The following PRC1 variants were observed in gnomAD, a reference collection of about 807,000 sequenced individuals.
PRC1 encodes the protein protein regulator of cytokinesis 1.
A neutral mutation model predicts 91.2 loss-of-function variants in PRC1; 54 were observed. The observed-to-expected ratio is 0.59, with a 90% CI of 0.48 to 0.74. PRC1 has a LOEUF of 0.74. Among genes scored for constraint, PRC1 ranks in the 30% least tolerant of loss-of-function variants. The pLI, the probability that PRC1 is intolerant of heterozygous loss-of-function variation, is 0.00. For synonymous variants in PRC1, 275 were observed against 263.6 expected (o/e 1.04, Z -0.42); for missense variants, 727 against 746.2 (o/e 0.97, Z 0.30).
At position 90,966,189 on chromosome 15, in the gene PRC1, G is replaced by A; in HGVS notation, c.*942C>T. The A allele has an allele frequency of 5.3e-6, 1 of 189,244 alleles. No homozygotes were observed. 11.7% of individuals were successfully genotyped at this position (189,244 alleles called of 1,614,324 possible). A position where few individuals can be genotyped will look rare whatever the true frequency, so the allele number is the denominator to read the frequency against. ...GAGAACCATTTACACTATGTTGACA[G>A]TAGTACTGCTGCAGGCAGACAGCGG... On this transcript the variant is annotated 3_prime_UTR_variant, in exon 15 of 15. Transcript: ENST00000394249.
intron 1 of PRC1, chr15:90,987,859 A>G (rs1399030553): frequency 6.6e-6 from 1 of 152,182 alleles, no homozygotes. Context: ...GTCTCTCCAA[A>G]GCTGTTAATA....
rs1361857597 is a variant in PRC1, at chr15:90,984,896, GAACTAAA to G, written c.12-78_12-72del. ...TCTGGACTAAAAGCACTATTTTCGA[GAACTAAA>G]AAGACTAGCTTCTCAGTGGCCTCGA... On this transcript the variant is annotated intron_variant, in intron 1 of 14. Coordinates refer to ENST00000394249, the MANE Select transcript of PRC1 (RefSeq NM_003981.4). The surrounding 1 kb of genome is among the most constrained non-coding windows in gnomAD (Gnocchi z 5.1). 6.5e-7 allele frequency: 1 copy of G among 1,549,316 alleles called. No homozygotes were observed. The highest frequency in any genetic ancestry group is 2.3e-5 in the East Asian group (1 of 43,178).
Position 90,966,988 on chromosome 15 carries a change from A to T in PRC1, c.*143T>A, listed in dbSNP as rs901065124. ...GGGCTTTCAACTGTAACACTCATTC[A>T]CATCTTTAAGTTAGGCCCATGGTCA... On this transcript the variant is annotated 3_prime_UTR_variant, in exon 15 of 15. Coordinates refer to ENST00000394249, the MANE Select transcript of PRC1 (RefSeq NM_003981.4). 1 of 704,080 alleles carries T rather than the reference A, an allele frequency of 1.4e-6. No homozygotes were observed. Among genetic ancestry groups the T allele is most frequent in the African/African-American group, 1.8e-5 (1 of 56,184 alleles). 43.6% of individuals were successfully genotyped at this position (704,080 alleles called of 1,614,324 possible). A position where few individuals can be genotyped will look rare whatever the true frequency, so the allele number is the denominator to read the frequency against.
chr15:90,983,838 C>G (rs1226686476), intron 3 of PRC1, 180 bp downstream of exon 3: 2 of 733,990 alleles, frequency 2.7e-6, no homozygotes, highest in East Asian at 5.6e-5. Flanking sequence ...CAGGGCAACT[C>G]TCTACAGAGG....
At chr15:90,968,858 CTT>C in intron 14 of PRC1, 1 of 1,359,644 alleles carries the variant, frequency 7.4e-7, no homozygotes, top group Non-Finnish European at 9.5e-7. Flanking sequence ...CTGTGCCTGA[CTT>C]TAGGGGCTGA....
chr15:90,994,360 G>C, intron 1 of PRC1, 47 bp downstream of exon 1: 2 of 1,611,662 alleles, frequency 1.2e-6, no homozygotes. Flanking sequence ...CAGCCGAAAC[G>C]AGCGTCGCTC....
intron 8 of PRC1, chr15:90,977,173 TTTTC>T (rs1408446440): frequency 6.6e-6 from 1 of 152,468 alleles, no homozygotes; most frequent in South Asian, 2.1e-4. Flanking sequence ...TCTTTTTAAC[TTTTC>T]TTTTTGTTAA....
At chr15:90,991,430 A>G (rs2039975573) in intron 1 of PRC1, among the ~76,000 whole-genome samples, 1 of 151,958 alleles carries the variant, frequency 6.6e-6, no homozygotes, top group Non-Finnish European at 1.5e-5. Flanking sequence ...CTCCAAAAAA[A>G]AAAAGAAATA....
intron 11 of PRC1, among the ~76,000 whole-genome samples, chr15:90,972,435 CTT>C (rs938991037): frequency 3.3e-5 from 5 of 150,138 alleles, no homozygotes; most frequent in Middle Eastern, 3.7e-3. Context: ...AAATAATACT[CTT>C]TTATTTATCA....
intron 5 of PRC1, 97 bp from the exon 6 acceptor site, chr15:90,981,130 G>A: frequency 6.6e-7 from 1 of 1,508,932 alleles, no homozygotes; most frequent in Non-Finnish European, 9.0e-7. Context: ...TAGAGGAGGA[G>A]GCACTTTCAT....
At chr15:90,989,546 C>G (rs893033608) in intron 1 of PRC1, among the ~76,000 whole-genome samples, 4 of 151,426 alleles carry the variant, frequency 2.6e-5, no homozygotes, top group Admixed American at 6.6e-5. Flanking sequence ...GCACCCGGCC[C>G]CTCAGTTTAA....
In PRC1 at chr15:90,970,396, A is replaced by G. The variant is rs758080019; in HGVS notation, c.1572+8T>C. The G allele has an allele frequency of 4.4e-6, 7 of 1,577,486 alleles. No individual in the cohort carries two copies. In the East Asian group the frequency reaches 1.3e-4, roughly 30 times the overall value. ...GTGAGGATGTGCTTAGACACAGGGCATACTAACCTTGCTGCCAGAAGGAGG... is the reference window on the plus strand; with the variant it reads ...GTGAGGATGTGCTTAGACACAGGGCGTACTAACCTTGCTGCCAGAAGGAGG... On this transcript the variant is annotated splice_region_variant and intron_variant, in intron 12 of 14. Transcript: ENST00000394249.
intron 11 of PRC1, among the ~76,000 whole-genome samples, chr15:90,971,825 T>G (rs2038158510): frequency 6.6e-6 from 1 of 151,462 alleles, no homozygotes; most frequent in South Asian, 2.1e-4. Context: ...GTCAAGAGAT[T>G]GAGACCATCC....
Position 90,967,116 on chromosome 15 carries a change from A to G in PRC1, c.*15T>C. On this transcript the variant is annotated 3_prime_UTR_variant, in exon 15 of 15. Transcript: ENST00000394249. ...AGGCACAGGAAGCCACAGCTGGTTG[A>G]CTGATCAGGGCTTCTCAGGACTGGA... 1 of 1,609,668 alleles carries G rather than the reference A, an allele frequency of 6.2e-7. No homozygotes were observed. The highest frequency in any genetic ancestry group is 8.5e-7 in the Non-Finnish European group (1 of 1,175,922).
chr15:90,967,418 CCT>C (rs1347739381), intron 14 of PRC1: 6 of 567,370 alleles, frequency 1.1e-5, no homozygotes, highest in Non-Finnish European at 1.6e-5. Flanking sequence ...GCCCGTGACC[CCT>C]TTTTCCTCAG....
In PRC1 at chr15:90,984,731, G is replaced by A. The variant is rs1204997271; in HGVS notation, c.106C>T (p.Arg36Trp). Residue 36 changes from arginine (R) to tryptophan (W), a missense_variant, in exon 2 of 15, where the codon CGG becomes TGG. Arg to Trp is a moderately radical substitution (Grantham distance 101). Transcript: ENST00000394249. This position sits in a 1 kb window ranked among gnomAD's most constrained non-coding sequence, Gnocchi z 5.1. ...WELIGIPEDQRLQRTEVVKKH... is the reference protein window; with the variant it reads ...WELIGIPEDQWLQRTEVVKKH... ...TTTACCACCTCAGTTCTTTGTAACC[G>A]CTGGTCCTCTGGAATCCCAATTAGC... The A allele has an allele frequency of 2.5e-6, 4 of 1,613,962 alleles. No individual in the cohort carries two copies. Among genetic ancestry groups the A allele is most frequent in the Admixed American group, 1.7e-5 (1 of 59,990 alleles).
chr15:90,992,364 G>A (rs2040027158), intron 1 of PRC1, among the ~76,000 whole-genome samples: 1 of 152,034 alleles, frequency 6.6e-6, no homozygotes, highest in Non-Finnish European at 1.5e-5. Context: ...ACTTGCAATG[G>A]TTCCTTGTAT....
chr15:90,992,028 A>G (rs550364468), intron 1 of PRC1, among the ~76,000 whole-genome samples: 1 of 152,290 alleles, frequency 6.6e-6, no homozygotes, highest in African/African-American at 2.4e-5. Flanking sequence ...TTTCTGGAAC[A>G]TACCAGGCGC....
chr15:90,974,854 T>C lies in PRC1; in HGVS notation c.1204-123A>G, dbSNP rs2038533159. 1 of 1,092,122 alleles carries C rather than the reference T, an allele frequency of 9.2e-7. No individual in the cohort carries two copies. The highest frequency in any genetic ancestry group is 1.4e-6 in the Non-Finnish European group (1 of 734,084). The allele number at this position is 1,092,122 out of a possible 1,614,324, so 67.7% of individuals were successfully genotyped here. A position where few individuals can be genotyped will look rare whatever the true frequency, so the allele number is the denominator to read the frequency against. On this transcript the variant is annotated intron_variant, in intron 9 of 14. Coordinates refer to ENST00000394249, the MANE Select transcript of PRC1 (RefSeq NM_003981.4). This position sits in a 1 kb window ranked among gnomAD's most constrained non-coding sequence, Gnocchi z 4.6. ...CATCATTAGCCTCATTTCAGGTAGC[T>C]GGGCCCACATGGGTACAGGTCAGAG...
Sources: allele counts gnomAD v4.1 joint callset (sites outside exome capture counted in the v4.1 genomes callset), GRCh38; gene constraint gnomAD v4.1.1; non-coding constraint Gnocchi (gnomAD v3.1); transcripts MANE v1.5; gene names NCBI Gene and HGNC (gene_info 2026-07-23, HGNC 2026-07-21).